Variants in TCF4 observed in about 807,000 individuals in gnomAD.
TCF4 encodes SL3-3 enhancer factor 2.
TCF4 carries 3 observed loss-of-function variants against 82.1 expected under a neutral mutation model. The ratio of observed to expected loss-of-function variants is 0.04; its 90% CI spans 0.02 to 0.09. TCF4 has a LOEUF of 0.09. Among genes scored for constraint, TCF4 ranks in the 10% least tolerant of loss-of-function variants. The pLI, the probability that TCF4 is intolerant of heterozygous loss-of-function variation, is 1.00. For synonymous variants in TCF4, 276 were observed against 309.6 expected (o/e 0.89, Z 1.14); for missense variants, 518 against 852.7 (o/e 0.61, Z 4.89).
At chr18:55,351,807 A>C in intron 6 of TCF4, 1 of 900,686 alleles carries the variant, frequency 1.1e-6, no homozygotes, top group Non-Finnish European at 1.3e-6. Flanking sequence ...ATAATATATA[A>C]ATCGCTTGAT....
rs546191417 is a variant in TCF4, at chr18:55,368,123, T to C, written c.370-17120A>G. The stretch of plus-strand genomic sequence containing the variant: ...GTTTTCAGCCGGGCGCGGTGGCTCA[T>C]GCCTGTAATCCCAGCACTGTGGGAG... On this transcript the variant is annotated intron_variant, in intron 6 of 19. Coordinates refer to ENST00000354452, the MANE Select transcript of TCF4 (RefSeq NM_001083962.2). 3.9e-5 allele frequency among the ~76,000 whole-genome samples: 6 copies of C among 152,342 alleles called. No homozygotes were observed. In the East Asian group the frequency reaches 1.2e-3, roughly 29 times the overall value.
chr18:55,570,856 C>T (rs2054747552), intron 3 of TCF4, among the ~76,000 whole-genome samples: 1 of 146,874 alleles, frequency 6.8e-6, no homozygotes, highest in Non-Finnish European at 1.5e-5. Flanking sequence ...CCCTCCAAGC[C>T]TGAGCAACAG....
At chr18:55,265,827 G>A (rs2059046894) in intron 11 of TCF4, 1 of 152,094 alleles carries the variant, frequency 6.6e-6, no homozygotes, top group African/African-American at 2.4e-5. Context: ...GATATTCCAG[G>A]GTAATCTTTA....
intron 6 of TCF4, among the ~76,000 whole-genome samples, chr18:55,379,443 T>C (rs1181086806): frequency 6.6e-6 from 1 of 152,046 alleles, no homozygotes; most frequent in East Asian, 1.9e-4. Flanking sequence ...GTAGCAGAGA[T>C]GCAGCAGCTC....
At chr18:55,470,989 T>G (rs2096165058) in intron 3 of TCF4, among the ~76,000 whole-genome samples, 1 of 152,176 alleles carries the variant, frequency 6.6e-6, no homozygotes, top group Admixed American at 6.5e-5. Context: ...CATCTGTGGC[T>G]CCTACTAATT....
intron 2 of TCF4, 58 bp downstream of exon 2, chr18:55,586,987 T>G: frequency 6.8e-7 from 1 of 1,460,060 alleles, no homozygotes; most frequent in Non-Finnish European, 9.6e-7. Flanking sequence ...GCTGAAGTGT[T>G]TGGGTTTTTG....
intron 5 of TCF4, among the ~76,000 whole-genome samples, chr18:55,424,296 G>A (rs540168884): frequency 2.6e-5 from 4 of 152,282 alleles, no homozygotes; most frequent in Admixed American, 2.0e-4. Context: ...AATCAGCTCT[G>A]TCTCAAGATT....
intron 3 of TCF4, among the ~76,000 whole-genome samples, chr18:55,471,029 C>A (rs1159611034): frequency 3.3e-5 from 5 of 152,104 alleles, no homozygotes; most frequent in African/African-American, 9.7e-5. Flanking sequence ...CTTGGCTGAG[C>A]CCTCACACAA....
At chr18:55,372,005 T>C (rs2089364774) in intron 6 of TCF4, among the ~76,000 whole-genome samples, 1 of 152,216 alleles carries the variant, frequency 6.6e-6, no homozygotes, top group African/African-American at 2.4e-5. Flanking sequence ...AGGAGAATAA[T>C]AGCATCTCCT....
intron 6 of TCF4, among the ~76,000 whole-genome samples, chr18:55,355,655 A>G (rs1231627897): frequency 1.3e-5 from 2 of 152,164 alleles, no homozygotes; most frequent in African/African-American, 4.8e-5. Context: ...CTGAAGGTCC[A>G]AGAGTACACC....
intron 3 of TCF4, chr18:55,482,289 T>A (rs567095588): frequency 6.6e-6 from 1 of 152,172 alleles, no homozygotes; most frequent in African/African-American, 2.4e-5. Flanking sequence ...CTGAACTTTG[T>A]CCTGATTGGG....
chr18:55,451,210 T>G (rs908745957), intron 5 of TCF4, among the ~76,000 whole-genome samples: 5 of 152,170 alleles, frequency 3.3e-5, no homozygotes, highest in African/African-American at 1.2e-4. Flanking sequence ...GTCTATAGAT[T>G]TTTCCATTCA....
Position 55,588,119 on chromosome 18 carries a change from C to T in TCF4, c.-102G>A, listed in dbSNP as rs2097670764. On this transcript the variant is annotated 5_prime_UTR_variant, in exon 1 of 20. Coordinates refer to ENST00000354452, the MANE Select transcript of TCF4 (RefSeq NM_001083962.2). ...GTCTAACCGCCGCCGCCACCGCCGCCGCCTGCTCCTGCGCCCGCTCCCGCG... is the reference window on the plus strand; with the variant it reads ...GTCTAACCGCCGCCGCCACCGCCGCTGCCTGCTCCTGCGCCCGCTCCCGCG... 2.9e-6 allele frequency: 3 copies of T among 1,042,582 alleles called. No individual in the cohort carries two copies. The highest frequency in any genetic ancestry group is 3.4e-6 in the Non-Finnish European group (3 of 872,520). 64.6% of individuals were successfully genotyped at this position (1,042,582 alleles called of 1,614,324 possible). A position where few individuals can be genotyped will look rare whatever the true frequency, so the allele number is the denominator to read the frequency against.
intron 8 of TCF4, among the ~76,000 whole-genome samples, chr18:55,307,862 A>C (rs2070893820): frequency 6.6e-6 from 1 of 152,180 alleles, no homozygotes; most frequent in Non-Finnish European, 1.5e-5. Context: ...CAACGAGAGG[A>C]TGATGGGGAA....
intron 3 of TCF4, among the ~76,000 whole-genome samples, chr18:55,561,691 A>T (rs1301592386): frequency 6.6e-6 from 1 of 152,164 alleles, no homozygotes; most frequent in Non-Finnish European, 1.5e-5. Flanking sequence ...TTGTGTTTTA[A>T]TTTTTAGATA....
intron 8 of TCF4, among the ~76,000 whole-genome samples, chr18:55,312,567 C>A (rs1286529703): frequency 6.6e-6 from 1 of 152,124 alleles, no homozygotes. Flanking sequence ...GTTAGGATAT[C>A]ATAATGATTC....
At chr18:55,403,777 C>A in intron 5 of TCF4, 4 of 1,524,354 alleles carry the variant, frequency 2.6e-6, no homozygotes, top group Non-Finnish European at 2.6e-6. Context: ...CCTCCACTTT[C>A]TCTAACAAAC....
intron 17 of TCF4, chr18:55,229,342 G>A (rs2047209034): frequency 4.0e-6 from 2 of 505,002 alleles, no homozygotes; most frequent in Non-Finnish European, 7.2e-6. Context: ...TGCAGGGTGT[G>A]CCCATACTGA....
In TCF4 at chr18:55,338,135, T is replaced by G. The variant is rs186371604; in HGVS notation, c.549+12224A>C. 2.1e-3 allele frequency among the ~76,000 whole-genome samples: 322 copies of G among 152,292 alleles called. 2 individuals carry two copies. The highest frequency in any genetic ancestry group is 0.018 in the Admixed American group (273 of 15,300). ...TTTCCCTGCTTCCCTTAGCCCATTC[T>G]GATGCCAAGCGGACTACAGCTTGCC... On this transcript the variant is annotated intron_variant, in intron 8 of 19. Transcript: ENST00000354452.
Sources: gnomAD v4.1 joint callset for allele counts (sites outside exome capture counted in the v4.1 genomes callset) on GRCh38, gnomAD v4.1.1 for gene constraint, MANE v1.5 for transcripts, NCBI Gene and HGNC (gene_info 2026-07-23, HGNC 2026-07-21) for gene names.